Variants in AGO2 observed in about 807,000 individuals in gnomAD.
AGO2 encodes protein argonaute-2.
AGO2 carries 5 observed loss-of-function variants against 102.3 expected under a neutral mutation model. That is an observed-to-expected ratio of 0.05 (90% CI 0.03 to 0.10). The LOEUF is 0.10. Ranked by LOEUF, AGO2 falls within the 10% of genes least tolerant of loss-of-function variation. The pLI is 1.00. For synonymous variants in AGO2, 449 were observed against 473.1 expected (o/e 0.95, Z 0.66); for missense variants, 541 against 1,183.7 (o/e 0.46, Z 7.97).
At chr8:140,545,196 C>T (rs1048074255) in intron 13 of AGO2, among the ~76,000 whole-genome samples, 2 of 152,198 alleles carry the variant, frequency 1.3e-5, no homozygotes, top group Admixed American at 6.5e-5. Context: ...GGCAGAGCTC[C>T]GACTCAGCCG....
chr8:140,598,771 A>G (rs1010529789), intron 1 of AGO2, among the ~76,000 whole-genome samples: 2 of 152,184 alleles, frequency 1.3e-5, no homozygotes, highest in African/African-American at 2.4e-5. Flanking sequence ...AACAGGGCAG[A>G]ATTACCTTAA....
In AGO2 at chr8:140,541,538, A is replaced by G. The variant is rs1014072388; in HGVS notation, c.1840-180T>C. On this transcript the variant is annotated intron_variant, in intron 14 of 18. Coordinates refer to ENST00000220592, the MANE Select transcript of AGO2 (RefSeq NM_012154.5). Reference sequence around the variant, plus strand: ...GCCTTTAGGCTTTTGGTGTCTGGCAATAGTGTTCGTAAATACGTACTGAAG... The same window carrying G: ...GCCTTTAGGCTTTTGGTGTCTGGCAGTAGTGTTCGTAAATACGTACTGAAG... The G allele has an allele frequency of 3.5e-5, 20 of 579,340 alleles. No homozygotes were observed. The Admixed American group carries it at 6.2e-4, about 18-fold the overall frequency. 35.9% of individuals were successfully genotyped at this position (579,340 alleles called of 1,614,324 possible). A position where few individuals can be genotyped will look rare whatever the true frequency, so the allele number is the denominator to read the frequency against.
chr8:140,537,693 A>G (rs2072721882), intron 16 of AGO2, among the ~76,000 whole-genome samples: 2 of 151,850 alleles, frequency 1.3e-5, no homozygotes, highest in African/African-American at 2.4e-5. Context: ...GTGTTCATCA[A>G]TTTCTCCTTA....
At chr8:140,547,680 G>T in intron 12 of AGO2, 53 bp from the exon 13 acceptor site, 1 of 1,563,316 alleles carries the variant, frequency 6.4e-7, no homozygotes, top group African/African-American at 1.3e-5. Flanking sequence ...TCCTCAGCTG[G>T]CCCCGAGAGC....
At chr8:140,533,028 C>T (rs2072626863) in intron 17 of AGO2, among the ~76,000 whole-genome samples, 1 of 146,818 alleles carries the variant, frequency 6.8e-6, no homozygotes, top group Non-Finnish European at 1.5e-5. Flanking sequence ...ATCATAACTA[C>T]ATATAGTAAA....
intron 1 of AGO2, among the ~76,000 whole-genome samples, chr8:140,612,020 G>A (rs941898186): frequency 6.6e-6 from 1 of 151,828 alleles, no homozygotes; most frequent in Non-Finnish European, 1.5e-5. Flanking sequence ...TCAGGAGATC[G>A]AGACCATCCT....
At position 140,551,294 on chromosome 8, in the gene AGO2, G is replaced by T. The variant is rs2292779; in HGVS notation, c.1403+9C>A. 1.3e-5 allele frequency: 20 copies of T among 1,514,374 alleles called. No homozygotes were observed. Among genetic ancestry groups the T allele is most frequent in the African/African-American group, 4.2e-5 (3 of 71,740 alleles). 93.8% of individuals were successfully genotyped at this position (1,514,374 alleles called of 1,614,324 possible). A position where few individuals can be genotyped will look rare whatever the true frequency, so the allele number is the denominator to read the frequency against. On this transcript the variant is annotated intron_variant, in intron 11 of 18. Transcript: ENST00000220592. ...CCCAGGCCGGAGCCTCTGCCTGTGG[G>T]GGGCTTACTTCAGATGGACTTCCGT...
intron 1 of AGO2, among the ~76,000 whole-genome samples, chr8:140,613,243 CT>C (rs2074103949): frequency 6.6e-6 from 1 of 152,168 alleles, no homozygotes; most frequent in Non-Finnish European, 1.5e-5. Context: ...CAACATATCC[CT>C]GTCGACAGAA....
intron 1 of AGO2, among the ~76,000 whole-genome samples, chr8:140,631,418 C>G (rs1339694552): frequency 6.6e-6 from 1 of 151,886 alleles, no homozygotes; most frequent in Non-Finnish European, 1.5e-5. Flanking sequence ...GGCTTAGTCC[C>G]AGCTCCTCAG....
chr8:140,557,159 A>G lies in AGO2; in HGVS notation c.956T>C (p.Val319Ala). ...AQYFKDRHKL[V>A]LRYPHLPCLQ... is the part of the protein sequence containing the mutation. The stretch of plus-strand genomic sequence containing the variant: ...ACATGGGAGGTGGGGGTAGCGCAGA[A>G]CCAACTTGTGCCTGTCCTTGAAATA... Residue 319 changes from valine to alanine, a missense_variant, in exon 8 of 19, where the codon GTT becomes GCT. Val to Ala is a moderately conservative substitution (Grantham distance 64, BLOSUM62 0). This residue lies in a region of AGO2 where 38 missense variants were observed against 68.1 expected (regional missense o/e 0.56). Transcript: ENST00000220592. The surrounding 1 kb of genome is among the most constrained non-coding windows in gnomAD (Gnocchi z 5.9). The G allele has an allele frequency of 6.2e-7, 1 of 1,614,008 alleles. No individual in the cohort carries two copies. Among genetic ancestry groups the G allele is most frequent in the East Asian group, 2.2e-5 (1 of 44,868 alleles).
In AGO2 at chr8:140,529,097, TCA is replaced by T. The variant is rs1204937861; in HGVS notation, c.*2945_*2946del. The T allele has an allele frequency of 2.6e-5, 4 of 152,216 alleles. No homozygotes were observed. Among genetic ancestry groups the T allele is most frequent in the East Asian group, 1.9e-4 (1 of 5,196 alleles). 9.4% of individuals were successfully genotyped at this position (152,216 alleles called of 1,614,324 possible). A position where few individuals can be genotyped will look rare whatever the true frequency, so the allele number is the denominator to read the frequency against. ...AGACTTCTACACATAATTTTCACATTCAGTTTGCTTAAAGCAAGGCACACCTT... is the reference window on the plus strand; with the variant it reads ...AGACTTCTACACATAATTTTCACATTGTTTGCTTAAAGCAAGGCACACCTT... On this transcript the variant is annotated 3_prime_UTR_variant, in exon 19 of 19. Transcript: ENST00000220592.
chr8:140,541,194 G>T lies in AGO2; in HGVS notation c.2004C>A (p.Arg668=). ...RFKPTRIIFY[R]DGVSEGQFQQ... is the part of the protein sequence containing the mutation. ...GGAACTGGCCTTCAGAGACACCGTC[G>T]CGGTAGAAGATGATGCGGGTGGGCT... The change falls in exon 15 of 19, where the codon CGC becomes CGA. Residue 668 remains arginine, a synonymous_variant. Coordinates refer to ENST00000220592, the MANE Select transcript of AGO2 (RefSeq NM_012154.5). 1.3e-6 allele frequency: 2 copies of T among 1,583,140 alleles called. No individual in the cohort carries two copies. Among genetic ancestry groups the T allele is most frequent in the Non-Finnish European group, 1.7e-6 (2 of 1,164,574 alleles).
At chr8:140,601,475 T>C (rs1328018015) in intron 1 of AGO2, among the ~76,000 whole-genome samples, 2 of 152,202 alleles carry the variant, frequency 1.3e-5, no homozygotes, top group South Asian at 2.1e-4. Context: ...TCTGCCCCCC[T>C]GGTCTACCCC....
intron 3 of AGO2, among the ~76,000 whole-genome samples, chr8:140,571,965 C>A (rs1392455038): frequency 6.6e-6 from 1 of 152,178 alleles, no homozygotes; most frequent in Admixed American, 6.5e-5. Context: ...AACTCCTGAT[C>A]TTGTGATCCG....
chr8:140,636,594 C>G (rs1442712924), upstream of AGO2: 1 of 152,168 alleles, frequency 6.6e-6, no homozygotes, highest in African/African-American at 2.4e-5. Flanking sequence ...GGCCCTGTTC[C>G]GGGCGGAGAA....
At chr8:140,577,926 G>A (rs997964462) in intron 2 of AGO2, among the ~76,000 whole-genome samples, 2 of 152,226 alleles carry the variant, frequency 1.3e-5, no homozygotes, top group African/African-American at 2.4e-5. Flanking sequence ...CACCCAGCAC[G>A]GCGTGCGGCT....
rs1403326204 is a variant in AGO2 at position 140,556,834 on chromosome 8, G to A, written c.1026+255C>T. Reference sequence around the variant, plus strand: ...TGACGGAGCACCTGCCTCGCGCTGCGGGGCCTGCTGGACACGTTACACACA... The same window carrying A: ...TGACGGAGCACCTGCCTCGCGCTGCAGGGCCTGCTGGACACGTTACACACA... On this transcript the variant is annotated intron_variant, in intron 8 of 18. Transcript: ENST00000220592. 1.6e-4 allele frequency among the ~76,000 whole-genome samples: 25 copies of A among 152,116 alleles called. 1 individual carries two copies. Among genetic ancestry groups the A allele is most frequent in the Admixed American group, 1.5e-3 (23 of 15,268 alleles).
At chr8:140,576,282 C>T (rs2073461921) in intron 2 of AGO2, among the ~76,000 whole-genome samples, 1 of 152,128 alleles carries the variant, frequency 6.6e-6, no homozygotes, top group Non-Finnish European at 1.5e-5. Context: ...CCACTGCACT[C>T]CAGCCTGGGC....
In AGO2 at chr8:140,544,344, C is replaced by T. The variant is rs768959427; in HGVS notation, c.1749-41G>A. The T allele has an allele frequency of 4.5e-6, 7 of 1,548,248 alleles. No homozygotes were observed. The East Asian group carries it at 1.5e-4, about 32-fold the overall frequency. ...GCGTCAGGGGCCACGGTGAGACACG[C>T]CTGGACCTCTGACGCTAGTAGGTGC... On this transcript the variant is annotated intron_variant, in intron 13 of 18. Transcript: ENST00000220592.
Sources: gnomAD v4.1 joint callset for allele counts (sites outside exome capture counted in the v4.1 genomes callset) on GRCh38, gnomAD v4.1.1 for gene constraint, gnomAD v4.1.1 regional missense constraint, Gnocchi (gnomAD v3.1) non-coding constraint, MANE v1.5 for transcripts, NCBI Gene and HGNC (gene_info 2026-07-23, HGNC 2026-07-21) for gene names.